DDX4: variants seen among roughly 807,000 people sequenced by gnomAD.
DDX4 encodes the protein probable ATP-dependent RNA helicase DDX4.
Under a neutral mutation model 100.0 loss-of-function variants are expected in DDX4, and 25 were observed. The observed-to-expected ratio is 0.25, with a 90% CI of 0.18 to 0.35. The LOEUF (loss-of-function observed/expected upper bound fraction) is 0.35. Among genes scored for constraint, DDX4 ranks in the 10% least tolerant of loss-of-function variants. DDX4 has a pLI of 1.00. For missense variants in DDX4, 635 were observed against 882.4 expected, an observed-to-expected ratio of 0.72 and a Z score of 3.55; for synonymous variants, 259 against 275.7, an observed-to-expected ratio of 0.94 and a Z score of 0.60.
At chr5:55,793,536 C>G (rs181190757) in intron 17 of DDX4, among the ~76,000 whole-genome samples, 20 of 152,294 alleles carry the variant, frequency 1.3e-4, no homozygotes, top group African/African-American at 4.1e-4. Flanking sequence ...AGGACTCTTG[C>G]TATTTTCTCT....
chr5:55,769,559 C>T (rs1741130641), intron 7 of DDX4, among the ~76,000 whole-genome samples: 1 of 152,138 alleles, frequency 6.6e-6, no homozygotes, highest in South Asian at 2.1e-4. Flanking sequence ...GTACAAAAAT[C>T]AGTGGCATTC....
chr5:55,805,808 G>A (rs956751790), intron 18 of DDX4, among the ~76,000 whole-genome samples: 9 of 152,120 alleles, frequency 5.9e-5, no homozygotes, highest in Non-Finnish European at 1.2e-4. Context: ...ATCTCTGCCC[G>A]GCTTTGGTAT....
intron 8 of DDX4, among the ~76,000 whole-genome samples, chr5:55,780,266 T>C (rs1561498321): frequency 6.6e-6 from 1 of 152,174 alleles, no homozygotes; most frequent in African/African-American, 2.4e-5. Context: ...TTAAAATATA[T>C]GAATTTAAAA....
intron 3 of DDX4, among the ~76,000 whole-genome samples, chr5:55,747,598 T>G (rs548641236): frequency 6.6e-6 from 1 of 152,312 alleles, no homozygotes; most frequent in African/African-American, 2.4e-5. Context: ...ACATAAGATT[T>G]ACCATTTTAA....
rs746664207 is a variant in DDX4, at chr5:55,815,076, A to T, written c.1891A>T (p.Thr631Ser). 7 of 1,614,170 alleles carry T rather than the reference A, an allele frequency of 4.3e-6. No individual in the cohort carries two copies. The highest frequency in any genetic ancestry group is 5.9e-6 in the Non-Finnish European group (7 of 1,179,982). ...IDEYVHRIGR[T>S]GRCGNTGRAI... is the part of the protein sequence containing the mutation. ...TGAATATGTTCATCGAATTGGGCGT[A>T]CTGGTCGTTGTGGGAATACTGGCAG... is the stretch of plus-strand genomic sequence containing the variant. The change falls in exon 20 of 22, where the codon ACT (threonine) becomes TCT (serine). Residue 631 changes from threonine (T) to serine (S), a missense_variant. Physicochemically the swap from Thr to Ser is moderately conservative, Grantham distance 58 (BLOSUM62 1). This residue lies in a region of DDX4 where 1 missense variants were observed against 18.5 expected (regional missense o/e 0.05). Transcript: ENST00000505374.
At position 55,746,161 on chromosome 5, in the gene DDX4, C is replaced by A; in HGVS notation, c.70-3C>A. 1.9e-6 allele frequency: 3 copies of A among 1,606,124 alleles called. No homozygotes were observed. The East Asian group carries it at 6.7e-5, about 36-fold the overall frequency. On this transcript the variant is annotated splice_polypyrimidine_tract_variant and splice_region_variant and intron_variant, in intron 2 of 21. Transcript: ENST00000505374. ...CTAGTTTTTTCTTTCTTCTTTCTCA[C>A]AGGATAGGTATTCTGGAGAAAATGG...
chr5:55,774,997 T>G (rs1580554938), intron 7 of DDX4, among the ~76,000 whole-genome samples: 1 of 152,324 alleles, frequency 6.6e-6, no homozygotes, highest in Middle Eastern at 3.4e-3. Flanking sequence ...AGAAACTTTG[T>G]ATTCCGTTAG....
intron 18 of DDX4, among the ~76,000 whole-genome samples, chr5:55,808,222 A>AT (rs1289413788): frequency 1.3e-5 from 2 of 151,650 alleles, no homozygotes; most frequent in Non-Finnish European, 2.9e-5. Context: ...CATTCGTCTA[A>AT]TTTTTTTTCA....
At chr5:55,814,781 C>T (rs1744298685) in intron 19 of DDX4, 120 bp from the exon 20 acceptor site, 12 of 1,134,978 alleles carry the variant, frequency 1.1e-5, no homozygotes, top group Middle Eastern at 2.2e-4. Flanking sequence ...TGAGCCACTG[C>T]GCCCAGCCAA....
chr5:55,743,421 C>A (rs1388013378), intron 2 of DDX4, among the ~76,000 whole-genome samples: 2 of 152,028 alleles, frequency 1.3e-5, no homozygotes, highest in Non-Finnish European at 2.9e-5. Flanking sequence ...GCTGTGACCC[C>A]TTTTCTCTCT....
intron 6 of DDX4, chr5:55,767,009 C>T: frequency 1.3e-6 from 2 of 1,510,642 alleles, no homozygotes; most frequent in Middle Eastern, 3.4e-4. Flanking sequence ...TCTCATACTA[C>T]TATTTTAAAA....
chr5:55,797,512 T>A (rs1254590897), intron 17 of DDX4, among the ~76,000 whole-genome samples: 2 of 152,186 alleles, frequency 1.3e-5, no homozygotes, highest in Non-Finnish European at 1.5e-5. Context: ...AAGCTTTTCT[T>A]TTATGATAAG....
At chr5:55,744,578 TATA>T (rs1262607499) in intron 2 of DDX4, among the ~76,000 whole-genome samples, 1 of 152,272 alleles carries the variant, frequency 6.6e-6, no homozygotes, top group African/African-American at 2.4e-5. Flanking sequence ...CTATTGATTT[TATA>T]ATAAGTTGAA....
intron 18 of DDX4, among the ~76,000 whole-genome samples, chr5:55,800,370 C>G (rs1044724008): frequency 4.0e-5 from 6 of 149,206 alleles, no homozygotes; most frequent in African/African-American, 1.5e-4. Context: ...GTCACCCAGG[C>G]TGGAGTACAG....
At chr5:55,785,541 A>G (rs1158186482) in intron 12 of DDX4, 47 bp downstream of exon 12, 1 of 1,436,072 alleles carries the variant, frequency 7.0e-7, no homozygotes, top group South Asian at 1.2e-5. Flanking sequence ...TTGTGTTTTA[A>G]TAATGCTTAA....
At position 55,815,013 on chromosome 5, in the gene DDX4, C is replaced by T. The variant is rs756659302; in HGVS notation, c.1828C>T (p.Gln610Ter). 6.2e-7 allele frequency: 1 copy of T among 1,614,052 alleles called. No homozygotes were observed. Among genetic ancestry groups the T allele is most frequent in the South Asian group, 1.1e-5 (1 of 91,088 alleles). Residue 610 changes from glutamine to a stop codon, truncating the protein, a stop_gained, in exon 20 of 22, where the codon CAA becomes TAA. Coordinates refer to ENST00000505374, the MANE Select transcript of DDX4 (RefSeq NM_024415.3). LOFTEE classifies it high-confidence loss of function. ...CAGAGGGCTGGATATTGAAAATGTG[C>T]AACATGTTATCAATTTTGATCTTCC... Reference protein sequence around the residue: ...AARGLDIENVQHVINFDLPST... With the variant: ...AARGLDIENV
chr5:55,748,521 C>T (rs1321054014), intron 3 of DDX4, among the ~76,000 whole-genome samples: 1 of 151,566 alleles, frequency 6.6e-6, no homozygotes, highest in African/African-American at 2.4e-5. Flanking sequence ...TAGCATTAGA[C>T]CTATGAATGT....
intron 16 of DDX4, 146 bp downstream of exon 16, chr5:55,790,851 A>T (rs986839696): frequency 7.0e-6 from 5 of 717,946 alleles, no homozygotes; most frequent in Non-Finnish European, 9.5e-6. Flanking sequence ...GCATTCTTAT[A>T]TAATTCTCAA....
intron 18 of DDX4, among the ~76,000 whole-genome samples, chr5:55,811,835 A>C (rs1046541350): frequency 5.9e-5 from 9 of 152,204 alleles, no homozygotes; most frequent in Non-Finnish European, 1.2e-4. Context: ...TGAATAAATG[A>C]CTAAATTTAG....
Sources: gnomAD v4.1 joint callset for allele counts (sites outside exome capture counted in the v4.1 genomes callset) on GRCh38, gnomAD v4.1.1 for gene constraint, gnomAD v4.1.1 regional missense constraint, MANE v1.5 for transcripts, NCBI Gene and HGNC (gene_info 2026-07-23, HGNC 2026-07-21) for gene names.